Variants in NMRAL1 observed in about 807,000 individuals in gnomAD.
NMRAL1 encodes NmrA like redox sensor 1, also known as nmrA-like family domain-containing protein 1.
In NMRAL1, 32 loss-of-function variants were observed where a neutral mutation model predicts 27.5. The ratio of observed to expected loss-of-function variants is 1.16; its 90% CI spans 0.88 to 1.56. NMRAL1 has a LOEUF of 1.56. NMRAL1 is among the 40% of genes most tolerant of loss of function. NMRAL1 has a pLI of 0.00. For synonymous variants in NMRAL1, 166 were observed against 166.8 expected (o/e 1.00, Z 0.04); for missense variants, 420 against 392.0 (o/e 1.07, Z -0.60).
chr16:4,474,327 C>T, intron 1 of NMRAL1, 161 bp from the exon 2 acceptor site: 1 of 576,436 alleles, frequency 1.7e-6, no homozygotes, highest in Non-Finnish European at 3.1e-6. Context: ...TCCCGCGACC[C>T]ACCTCGTGTC....
At chr16:4,470,808 G>A (rs142243088) in intron 2 of NMRAL1, among the ~76,000 whole-genome samples, 2,728 of 152,106 alleles carry the variant, frequency 0.018, 46 homozygotes, top group Middle Eastern at 0.078. Flanking sequence ...TTAGCCGGGC[G>A]TGGTGGCGGG....
intron 2 of NMRAL1, 48 bp from the exon 3 acceptor site, chr16:4,469,513 C>T: frequency 1.2e-6 from 2 of 1,606,470 alleles, no homozygotes; most frequent in Non-Finnish European, 8.5e-7. Flanking sequence ...CCTGAAAGTC[C>T]CACTGAAGGG....
intron 4 of NMRAL1, 130 bp downstream of exon 4, chr16:4,466,023 A>G (rs2057308290): frequency 9.4e-7 from 1 of 1,058,642 alleles, no homozygotes; most frequent in Admixed American, 2.1e-5. Flanking sequence ...GGATGTGCTC[A>G]GTCCTGGGCC....
At chr16:4,464,740 G>T (rs887623235) in intron 4 of NMRAL1, among the ~76,000 whole-genome samples, 2 of 149,540 alleles carry the variant, frequency 1.3e-5, no homozygotes, top group Admixed American at 1.4e-4. Context: ...TCAGCCTCCC[G>T]AGTAGCTGGG....
chr16:4,468,615 C>CAA (rs59245472), intron 3 of NMRAL1, among the ~76,000 whole-genome samples: 17 of 128,244 alleles, frequency 1.3e-4, no homozygotes, highest in Admixed American at 8.4e-4. Flanking sequence ...GACTCAGTCT[C>CAA]AAAAAAAAAA....
chr16:4,469,597 G>T, intron 2 of NMRAL1, 132 bp from the exon 3 acceptor site: 1 of 1,507,390 alleles, frequency 6.6e-7, no homozygotes, highest in Non-Finnish European at 8.8e-7. Context: ...TTCTCATTCA[G>T]GTATTTTTAT....
chr16:4,474,015 C>A, intron 2 of NMRAL1, 78 bp downstream of exon 2: 2 of 1,194,038 alleles, frequency 1.7e-6, no homozygotes, highest in South Asian at 2.5e-5. Flanking sequence ...TTACCCCTCC[C>A]TGCAGACCCC....
chr16:4,464,085 C>A, intron 4 of NMRAL1: 1 of 536,978 alleles, frequency 1.9e-6, no homozygotes, highest in Non-Finnish European at 3.2e-6. Flanking sequence ...TGTTGAGGCT[C>A]TCTGAGCCTG....
At chr16:4,466,006 G>A in intron 4 of NMRAL1, 147 bp downstream of exon 4, 1 of 890,436 alleles carries the variant, frequency 1.1e-6, no homozygotes, top group Admixed American at 2.5e-5. Flanking sequence ...GGCCCCGCAA[G>A]CTGACAGGAT....
chr16:4,474,127 C>T lies in NMRAL1; in HGVS notation c.6G>A (p.Val2=), dbSNP rs1298033724. The change falls in exon 2 of 6, where the codon GTG becomes GTA. Residue 2 remains valine (V), a synonymous_variant. Transcript: ENST00000283429. Reference sequence around the variant, plus strand: ...CGAAAACCACCACCAGTTTCTTGTCCACCATGAGGACGAGAATGGGACGAA... The same window carrying T: ...CGAAAACCACCACCAGTTTCTTGTCTACCATGAGGACGAGAATGGGACGAA... M[V]DKKLVVVFGG... 1.2e-6 allele frequency: 2 copies of T among 1,611,958 alleles called. No individual in the cohort carries two copies. Among genetic ancestry groups the T allele is most frequent in the African/African-American group, 1.3e-5 (1 of 74,904 alleles).
intron 2 of NMRAL1, 70 bp downstream of exon 2, chr16:4,474,023 C>G: frequency 1.6e-6 from 2 of 1,289,356 alleles, no homozygotes; most frequent in Non-Finnish European, 2.2e-6. Context: ...CCCTGCAGAC[C>G]CCAGGACGGG....
At chr16:4,474,905 G>C (rs978657759), upstream of NMRAL1, 1 of 152,124 alleles carries the variant, frequency 6.6e-6, no homozygotes, top group African/African-American at 2.4e-5. Flanking sequence ...ATCCCTTGAG[G>C]CCTTGTCCGC....
chr16:4,469,469 C>G lies in NMRAL1; in HGVS notation c.41-4G>C. ...GCCACGGAGCCACCCTGGGCACCTA[C>G]AAAGAATCAAAAAGACCTCTCAGGT... On this transcript the variant is annotated splice_polypyrimidine_tract_variant and splice_region_variant and intron_variant, in intron 2 of 5. Transcript: ENST00000283429. 2 of 1,613,356 alleles carry G rather than the reference C, an allele frequency of 1.2e-6. No individual in the cohort carries two copies. The highest frequency in any genetic ancestry group is 1.7e-6 in the Non-Finnish European group (2 of 1,179,474).
chr16:4,463,358 T>C (rs1206854438), intron 5 of NMRAL1: 1 of 470,762 alleles, frequency 2.1e-6, no homozygotes, highest in Non-Finnish European at 3.7e-6. Context: ...CCAGACTCTT[T>C]TCTCTTCAAA....
chr16:4,473,522 C>A (rs2057682587), intron 2 of NMRAL1, among the ~76,000 whole-genome samples: 1 of 151,928 alleles, frequency 6.6e-6, no homozygotes, highest in Non-Finnish European at 1.5e-5. Flanking sequence ...ATTCAAGAAA[C>A]TTGGTAACAG....
rs758079502 is a variant in NMRAL1, at chr16:4,463,705, A to G, written c.675T>C (p.Ala225=). 6.2e-7 allele frequency: 1 copy of G among 1,614,028 alleles called. No individual in the cohort carries two copies. The highest frequency in any genetic ancestry group is 8.5e-7 in the Non-Finnish European group (1 of 1,180,020). ...TGCGGGTGTGCTTGGTGAGCAGGGCAGCGTACTCCTCGGCCGTGTGCCTGC... is the reference window on the plus strand; with the variant it reads ...TGCGGGTGTGCTTGGTGAGCAGGGCGGCGTACTCCTCGGCCGTGTGCCTGC... ...STCRHTAEEY[A]ALLTKHTRKV... The change falls in exon 5 of 6, where the codon GCT becomes GCC. Residue 225 remains alanine (A), a synonymous_variant. Coordinates refer to ENST00000283429, the MANE Select transcript of NMRAL1 (RefSeq NM_020677.6).
chr16:4,463,801 C>T lies in NMRAL1; in HGVS notation c.579G>A (p.Leu193=). 6.2e-7 allele frequency: 1 copy of T among 1,614,064 alleles called. No individual in the cohort carries two copies. The highest frequency in any genetic ancestry group is 8.5e-7 in the Non-Finnish European group (1 of 1,180,000). ...VPMDGMSVSD[L]GPVVLSLLKM... is the part of the protein sequence containing the mutation. Reference sequence around the variant, plus strand: ...TCAAAAGGCTGAGCACCACAGGACCCAGGTCAGACACGGACATGCCATCCA... The same window carrying T: ...TCAAAAGGCTGAGCACCACAGGACCTAGGTCAGACACGGACATGCCATCCA... Residue 193 remains leucine, a synonymous_variant, in exon 5 of 6, where the codon CTG becomes CTA. Coordinates refer to ENST00000283429, the MANE Select transcript of NMRAL1 (RefSeq NM_020677.6).
rs376934274 is a variant in NMRAL1 at position 4,466,208 on chromosome 16, G to A, written c.474C>T (p.Asn158=). The change falls in exon 4 of 6, where the codon AAC becomes AAT. Residue 158 remains asparagine, a synonymous_variant. Transcript: ENST00000283429. ...TCTGGGGCAAGAAGTGGGAGAGGAG[G>A]TTCTCAAAATAGCAGGGCAGCCGCA... The part of the protein sequence containing the change: ...TSVRLPCYFE[N]LLSHFLPQKA... 3 of 1,614,184 alleles carry A rather than the reference G, an allele frequency of 1.9e-6. No homozygotes were observed. The highest frequency in any genetic ancestry group is 1.7e-6 in the Non-Finnish European group (2 of 1,180,038).
intron 4 of NMRAL1, among the ~76,000 whole-genome samples, chr16:4,465,540 G>A (rs748876262): frequency 6.6e-6 from 1 of 152,096 alleles, no homozygotes; most frequent in African/African-American, 2.4e-5. Context: ...TCCTCTCCTC[G>A]TCTTTGGTTT....
Sources: allele counts gnomAD v4.1 joint callset (sites outside exome capture counted in the v4.1 genomes callset), GRCh38; gene constraint gnomAD v4.1.1; transcripts MANE v1.5; gene names NCBI Gene and HGNC (gene_info 2026-07-23, HGNC 2026-07-21).